The following GSE1 variants were observed in gnomAD, a reference collection of about 807,000 sequenced individuals.
The protein encoded by GSE1 is Gse1 coiled-coil protein.
Under a neutral mutation model 112.6 loss-of-function variants are expected in GSE1, and 32 were observed. That is an observed-to-expected ratio of 0.28 (90% CI 0.21 to 0.38). The LOEUF is 0.38. Ranked by LOEUF, GSE1 falls within the 10% of genes least tolerant of loss-of-function variation. The pLI is 1.00. For synonymous variants in GSE1, 1,115 were observed against 735.6 expected, an observed-to-expected ratio of 1.52 and a Z score of -8.35; for missense variants, 2,348 against 1,699.2, an observed-to-expected ratio of 1.38 and a Z score of -6.71.
chr16:85,627,790 C>T (rs1217614439), intron 1 of GSE1, among the ~76,000 whole-genome samples: 1 of 152,198 alleles, frequency 6.6e-6, no homozygotes, highest in African/African-American at 2.4e-5. Context: ...CAGTCAATGT[C>T]CAGGAGCGCA....
At chr16:85,437,409 C>T (rs947895029) in intron 2 of GSE1, among the ~76,000 whole-genome samples, 1 of 150,888 alleles carries the variant, frequency 6.6e-6, no homozygotes, top group African/African-American at 2.5e-5. Flanking sequence ...GTTGCCAAGA[C>T]CCGGGGCCTC....
At chr16:85,235,749 CGCCCGCCCCAG>C (rs1904567224) in intron 1 of GSE1, among the ~76,000 whole-genome samples, 1 of 150,972 alleles carries the variant, frequency 6.6e-6, no homozygotes, top group South Asian at 2.1e-4. Context: ...GTGGGGGGCC[CGCCCGCCCCAG>C]GAAGCGTGGC....
chr16:85,180,092 C>T (rs1354112645), intron 1 of GSE1, among the ~76,000 whole-genome samples: 3 of 152,222 alleles, frequency 2.0e-5, no homozygotes, highest in African/African-American at 7.2e-5. Context: ...CTCTCAGGTT[C>T]CCTGCCTGGG....
At chr16:85,643,860 T>C (rs11861038) in intron 2 of GSE1, among the ~76,000 whole-genome samples, 2 of 151,622 alleles carry the variant, frequency 1.3e-5, no homozygotes, top group African/African-American at 4.9e-5. Flanking sequence ...GGAGCCCGGA[T>C]CATGAGCTCT....
intron 1 of GSE1, among the ~76,000 whole-genome samples, chr16:85,200,587 G>A (rs781232832): frequency 2.6e-5 from 4 of 152,076 alleles, no homozygotes; most frequent in Admixed American, 6.5e-5. Flanking sequence ...ACCGGATGAC[G>A]TGTTTCAAGG....
intron 2 of GSE1, among the ~76,000 whole-genome samples, chr16:85,509,858 C>T (rs904077487): frequency 2.0e-5 from 3 of 146,922 alleles, no homozygotes; most frequent in Non-Finnish European, 4.4e-5. Context: ...GGATAGGAGA[C>T]CCCCCCAGCC....
intron 2 of GSE1, among the ~76,000 whole-genome samples, chr16:85,488,080 C>A (rs998271603): frequency 6.6e-6 from 1 of 152,152 alleles, no homozygotes. Flanking sequence ...TGGCTGTCCT[C>A]GCTGTGACCT....
chr16:85,367,178 G>T (rs576711289), intron 2 of GSE1, among the ~76,000 whole-genome samples: 120 of 152,362 alleles, frequency 7.9e-4, no homozygotes, highest in African/African-American at 2.5e-3. Flanking sequence ...GGTTTGAAGA[G>T]TGCCACCCTT....
chr16:85,201,669 C>A (rs374927939), intron 1 of GSE1, among the ~76,000 whole-genome samples: 6 of 151,720 alleles, frequency 4.0e-5, no homozygotes, highest in South Asian at 2.1e-4. Context: ...AAAACAACAA[C>A]AAAAAAAGCC....
chr16:85,548,227 C>CAAAAA (rs1241025677), intron 2 of GSE1, among the ~76,000 whole-genome samples: 4 of 70,044 alleles, frequency 5.7e-5, no homozygotes, highest in African/African-American at 1.6e-4. Context: ...GACTCTTTCT[C>CAAAAA]AAAAAAAAAA....
At chr16:85,211,314 T>G (rs1476613014) in intron 1 of GSE1, among the ~76,000 whole-genome samples, 6 of 150,148 alleles carry the variant, frequency 4.0e-5, no homozygotes, top group Admixed American at 2.0e-4. Flanking sequence ...TTTTTTTTGT[T>G]TTTTTTTTTT....
chr16:85,169,712 C>T (rs2074328305), exon 1 of GSE1: 1 of 983,382 alleles, frequency 1.0e-6, no homozygotes, highest in Non-Finnish European at 1.2e-6. Flanking sequence ...CCCTTCTTCC[C>T]GTTCCTGCAG....
chr16:85,554,942 C>T (rs1333846295), upstream of GSE1: 10 of 985,274 alleles, frequency 1.0e-5, no homozygotes, highest in Non-Finnish European at 1.2e-5. Context: ...GCACCCTCCC[C>T]GGGTTTGGAG....
intron 1 of GSE1, among the ~76,000 whole-genome samples, chr16:85,267,464 G>C (rs889362914): frequency 4.6e-5 from 7 of 152,138 alleles, no homozygotes; most frequent in Non-Finnish European, 1.0e-4. Flanking sequence ...GTGACCGTGG[G>C]GGGTGGGGGA....
chr16:85,209,113 TGTGTGTTGGGGTTTGCC>T, intron 1 of GSE1, among the ~76,000 whole-genome samples: 1 of 150,484 alleles, frequency 6.6e-6, no homozygotes, highest in East Asian at 2.0e-4. Context: ...TGGGGTTCGC[TGTGTGTTGGGGTTTGCC>T]GTGTGTTTAC....
intron 9 of GSE1, chr16:85,662,707 G>A (rs2052533481): frequency 4.3e-6 from 2 of 459,980 alleles, no homozygotes; most frequent in Non-Finnish European, 3.9e-6. Context: ...ATGGTTCCCT[G>A]CCAGGGGGAG....
intron 1 of GSE1, among the ~76,000 whole-genome samples, chr16:85,563,033 T>G (rs1320877263): frequency 6.6e-6 from 1 of 152,198 alleles, no homozygotes; most frequent in East Asian, 1.9e-4. Flanking sequence ...CAGATCCTTG[T>G]CCCTGTCTGG....
chr16:85,415,260 T>C (rs1450967549), intron 2 of GSE1, among the ~76,000 whole-genome samples: 1 of 152,252 alleles, frequency 6.6e-6, no homozygotes, highest in African/African-American at 2.4e-5. Flanking sequence ...TTTATATTTG[T>C]GTACCTTGTT....
intron 1 of GSE1, among the ~76,000 whole-genome samples, chr16:85,617,444 G>C (rs954717400): frequency 6.6e-6 from 1 of 152,202 alleles, no homozygotes; most frequent in Non-Finnish European, 1.5e-5. Flanking sequence ...GGCAGGTGGA[G>C]GAAGTGGGGA....
Sources: gnomAD v4.1 joint callset for allele counts (sites outside exome capture counted in the v4.1 genomes callset) on GRCh38, gnomAD v4.1.1 for gene constraint, MANE v1.5 for transcripts, NCBI Gene and HGNC (gene_info 2026-07-23, HGNC 2026-07-21) for gene names.